Variants in ARHGAP32 observed in about 807,000 individuals in gnomAD.
The protein encoded by ARHGAP32 is rho GTPase-activating protein 32.
ARHGAP32 carries 51 observed loss-of-function variants against 186.5 expected under a neutral mutation model. The observed-to-expected ratio is 0.27, with a 90% CI of 0.22 to 0.35. The LOEUF (loss-of-function observed/expected upper bound fraction) is 0.35, where lower values mean the gene tolerates loss of function less well. Ranked by LOEUF, ARHGAP32 falls within the 10% of genes least tolerant of loss-of-function variation. The pLI is 1.00. For synonymous variants in ARHGAP32, 950 were observed against 964.3 expected (o/e 0.99, Z 0.27); for missense variants, 2,186 against 2,623.5 (o/e 0.83, Z 3.64).
intron 11 of ARHGAP32, among the ~76,000 whole-genome samples, chr11:129,024,856 G>A (rs988478104): frequency 1.2e-4 from 18 of 151,962 alleles, no homozygotes; most frequent in Non-Finnish European, 2.5e-4. Context: ...ATCTCAATTC[G>A]TGACTTTTTA....
At chr11:129,256,205 C>G (rs1014765638) in intron 1 of ARHGAP32, among the ~76,000 whole-genome samples, 1 of 152,016 alleles carries the variant, frequency 6.6e-6, no homozygotes, top group Non-Finnish European at 1.5e-5. Flanking sequence ...TGATCAGATG[C>G]TAGTCACATA....
chr11:129,064,850 G>T lies in ARHGAP32; in HGVS notation c.753C>A (p.Thr251=), dbSNP rs1940632891. Residue 251 remains threonine (T), a synonymous_variant, in exon 8 of 23, where the codon ACC becomes ACA. Coordinates refer to ENST00000682385, the MANE Select transcript of ARHGAP32 (RefSeq NM_001378024.1). ...GNKINCGPAL[T]WMEIDNKGNH... is the part of the protein sequence containing the mutation. Reference sequence around the variant, plus strand: ...GTGAATTAGGAAATACCTCCATCCAGGTAAGGGCGGGCCCACAGTTGATCT... The same window carrying T: ...GTGAATTAGGAAATACCTCCATCCATGTAAGGGCGGGCCCACAGTTGATCT... 3 of 1,591,786 alleles carry T rather than the reference G, an allele frequency of 1.9e-6. No individual in the cohort carries two copies. Among genetic ancestry groups the T allele is most frequent in the East Asian group, 2.3e-5 (1 of 43,810 alleles).
intron 11 of ARHGAP32, among the ~76,000 whole-genome samples, chr11:129,036,380 CAAA>C (rs58678377): frequency 1.5e-4 from 15 of 98,690 alleles, no homozygotes; most frequent in Non-Finnish European, 1.7e-4. Flanking sequence ...AACTCCGTCT[CAAA>C]AAAAAAAAAA....
chr11:129,038,678 G>A (rs1025115439), intron 11 of ARHGAP32, among the ~76,000 whole-genome samples: 1 of 151,738 alleles, frequency 6.6e-6, no homozygotes, highest in East Asian at 1.9e-4. Context: ...CTTGAAACCA[G>A]GAGTTTGAGA....
At chr11:128,986,490 C>A in intron 14 of ARHGAP32, 34 bp downstream of exon 14, 1 of 1,609,100 alleles carries the variant, frequency 6.2e-7, no homozygotes, top group Non-Finnish European at 8.5e-7. Flanking sequence ...CAAAGTTCCA[C>A]AAAGAATTAG....
Position 128,969,171 on chromosome 11 carries a change from G to A in ARHGAP32, c.6042C>T (p.Asp2014=), listed in dbSNP as rs1668106280. The A allele has an allele frequency of 6.2e-7, 1 of 1,613,318 alleles. No individual in the cohort carries two copies. The highest frequency in any genetic ancestry group is 1.3e-5 in the African/African-American group (1 of 74,936). Residue 2014 remains aspartate (D), a synonymous_variant, in exon 23 of 23, where the codon GAC becomes GAT. Transcript: ENST00000682385. The surrounding 1 kb of genome is among the most constrained non-coding windows in gnomAD (Gnocchi z 4.8). ...KLHHTQNVER[D]PSVLYQYQPH... ...GTTGGTACTGGTACAGCACACTGGG[G>A]TCCCTCTCCACGTTCTGGGTATGAT... is the stretch of plus-strand genomic sequence containing the variant.
intron 1 of ARHGAP32, among the ~76,000 whole-genome samples, chr11:129,223,558 T>C (rs1159996520): frequency 6.6e-6 from 1 of 152,102 alleles, no homozygotes; most frequent in Non-Finnish European, 1.5e-5. Context: ...TTGGCATAGT[T>C]TAGGAGAAAA....
chr11:129,007,831 A>T lies in ARHGAP32; in HGVS notation c.1046-9363T>A, dbSNP rs966381074. On this transcript the variant is annotated intron_variant, in intron 11 of 22. Coordinates refer to ENST00000682385, the MANE Select transcript of ARHGAP32 (RefSeq NM_001378024.1). ...TCCTTGCGGCCTAGACTGCTTTTCA[A>T]ATTTATTCAAGGCCCCAGAGCACTT... Among the ~76,000 whole-genome samples the T allele has an allele frequency of 2.6e-5, 4 of 152,222 alleles. No homozygotes were observed. In the South Asian group the frequency reaches 6.2e-4, roughly 24 times the overall value.
intron 2 of ARHGAP32, among the ~76,000 whole-genome samples, chr11:129,155,004 GAGAAAAGTC>G (rs1299250778): frequency 2.0e-5 from 3 of 152,162 alleles, no homozygotes; most frequent in Non-Finnish European, 1.5e-5. Flanking sequence ...AATGTTTGGG[GAGAAAAGTC>G]AAAAAACAAT....
chr11:129,004,057 T>C (rs996197466), intron 11 of ARHGAP32, among the ~76,000 whole-genome samples: 2 of 151,998 alleles, frequency 1.3e-5, no homozygotes, highest in African/African-American at 4.8e-5. Flanking sequence ...TTTGGTATGT[T>C]GTTTCTGTAA....
chr11:129,061,957 T>C (rs562745700), intron 10 of ARHGAP32, among the ~76,000 whole-genome samples: 4 of 152,290 alleles, frequency 2.6e-5, no homozygotes, highest in South Asian at 4.1e-4. Flanking sequence ...AGAGGAAATA[T>C]ATGTGAATCC....
chr11:129,064,978 C>CT (rs1336549670), intron 7 of ARHGAP32, 45 bp from the exon 8 acceptor site: 1 of 1,458,586 alleles, frequency 6.9e-7, no homozygotes, highest in Non-Finnish European at 9.4e-7. Context: ...AGATACTATG[C>CT]TCTCTGGCAG....
chr11:129,210,167 A>G (rs1944561893), intron 1 of ARHGAP32, among the ~76,000 whole-genome samples: 1 of 152,252 alleles, frequency 6.6e-6, no homozygotes. Context: ...GAGAAGCCAG[A>G]GAAGCATTCA....
At chr11:129,013,985 C>T (rs1029477719) in intron 11 of ARHGAP32, among the ~76,000 whole-genome samples, 3 of 152,124 alleles carry the variant, frequency 2.0e-5, no homozygotes, top group African/African-American at 7.2e-5. Flanking sequence ...CACCAAACAT[C>T]CTGGATTAGA....
At chr11:129,076,610 A>G (rs113788221) in intron 6 of ARHGAP32, among the ~76,000 whole-genome samples, 8 of 152,384 alleles carry the variant, frequency 5.2e-5, no homozygotes, top group African/African-American at 7.2e-5. Flanking sequence ...AAGAGAAATT[A>G]CTAAATATTT....
At chr11:128,992,752 A>G (rs2134697396) in intron 12 of ARHGAP32, among the ~76,000 whole-genome samples, 1 of 152,170 alleles carries the variant, frequency 6.6e-6, no homozygotes, top group South Asian at 2.1e-4. Flanking sequence ...GTGCCATTAC[A>G]CTCCAGCCTG....
chr11:129,029,813 A>C (rs1426185756), intron 11 of ARHGAP32, among the ~76,000 whole-genome samples: 1 of 150,270 alleles, frequency 6.7e-6, no homozygotes, highest in Non-Finnish European at 1.5e-5. Context: ...AAAAAAAAAA[A>C]AAAAAAAAAA....
chr11:129,164,234 A>T, intron 2 of ARHGAP32, 85 bp downstream of exon 2: 1 of 823,542 alleles, frequency 1.2e-6, no homozygotes, highest in Non-Finnish European at 1.8e-6. Flanking sequence ...TTTTTTGTGT[A>T]ATGTGTCCTC....
At chr11:129,156,414 G>A (rs776889107) in intron 2 of ARHGAP32, among the ~76,000 whole-genome samples, 1 of 152,126 alleles carries the variant, frequency 6.6e-6, no homozygotes, top group Non-Finnish European at 1.5e-5. Context: ...GGGGAGAGTC[G>A]TCCACCATTA....
Sources: allele counts gnomAD v4.1 joint callset (sites outside exome capture counted in the v4.1 genomes callset), GRCh38; gene constraint gnomAD v4.1.1; non-coding constraint Gnocchi (gnomAD v3.1); transcripts MANE v1.5; gene names NCBI Gene and HGNC (gene_info 2026-07-23, HGNC 2026-07-21).